The following KCNH7 variants were observed in gnomAD, a reference collection of about 807,000 sequenced individuals.
The protein encoded by KCNH7 is voltage-gated inwardly rectifying potassium channel KCNH7.
Under a neutral mutation model 120.8 loss-of-function variants are expected in KCNH7, and 49 were observed. The observed-to-expected ratio is 0.41, with a 90% confidence interval of 0.32 to 0.51. The LOEUF is 0.51. Ranked by LOEUF, KCNH7 falls within the 20% of genes least tolerant of loss-of-function variation. The pLI is 0.38. For missense variants in KCNH7, 1,097 were observed against 1,446.6 expected (o/e 0.76, Z 3.92); for synonymous variants, 547 against 516.1 (o/e 1.06, Z -0.81).
chr2:162,585,635 C>T (rs932634412), intron 2 of KCNH7, among the ~76,000 whole-genome samples: 35 of 151,614 alleles, frequency 2.3e-4, no homozygotes, highest in Non-Finnish European at 3.5e-4. Context: ...ATGATAGTTT[C>T]TATCTAGTAT....
chr2:162,564,424 T>C (rs1361304400), intron 2 of KCNH7, among the ~76,000 whole-genome samples: 1 of 152,182 alleles, frequency 6.6e-6, no homozygotes, highest in Non-Finnish European at 1.5e-5. Context: ...CAATGAATCT[T>C]CTTACCTCTG....
chr2:162,602,210 A>C (rs1288056079), intron 2 of KCNH7, among the ~76,000 whole-genome samples: 1 of 152,084 alleles, frequency 6.6e-6, no homozygotes, highest in Non-Finnish European at 1.5e-5. Context: ...AGAAATTTGC[A>C]ATAGGTGTCT....
chr2:162,602,406 A>C (rs1202309360), intron 2 of KCNH7, among the ~76,000 whole-genome samples: 4 of 152,110 alleles, frequency 2.6e-5, no homozygotes, highest in African/African-American at 4.8e-5. Flanking sequence ...GCTAAATATT[A>C]AGTTCTCTCC....
At chr2:162,716,350 G>C (rs889948653) in intron 2 of KCNH7, among the ~76,000 whole-genome samples, 8 of 151,964 alleles carry the variant, frequency 5.3e-5, no homozygotes, top group African/African-American at 1.9e-4. Flanking sequence ...ATAAAAATTT[G>C]TTCTCAAAAA....
At chr2:162,584,826 C>T (rs1298435418) in intron 2 of KCNH7, among the ~76,000 whole-genome samples, 1 of 145,028 alleles carries the variant, frequency 6.9e-6, no homozygotes. Context: ...TAAGTTTTGT[C>T]CTAATTCATT....
chr2:162,699,561 A>T (rs935064380), intron 2 of KCNH7, among the ~76,000 whole-genome samples: 1 of 152,196 alleles, frequency 6.6e-6, no homozygotes. Context: ...CATGTGCAGA[A>T]TGTGCAGTAA....
chr2:162,722,517 T>G (rs1011301468), intron 2 of KCNH7, among the ~76,000 whole-genome samples: 1 of 152,096 alleles, frequency 6.6e-6, no homozygotes, highest in Non-Finnish European at 1.5e-5. Flanking sequence ...ATTTTTCTCT[T>G]GGAGTTTTCA....
chr2:162,447,431 G>A (rs1688617687), intron 6 of KCNH7, among the ~76,000 whole-genome samples: 1 of 152,020 alleles, frequency 6.6e-6, no homozygotes, highest in African/African-American at 2.4e-5. Flanking sequence ...CTTAATATAT[G>A]GGTTTTAAAA....
At chr2:162,823,428 GTAAAATAAAGAAAC>G (rs1685181430) in intron 2 of KCNH7, among the ~76,000 whole-genome samples, 1 of 152,170 alleles carries the variant, frequency 6.6e-6, no homozygotes, top group African/African-American at 2.4e-5. Flanking sequence ...GTTCATGAAT[GTAAAATAAAGAAAC>G]TAAAATCAAC....
In KCNH7 at chr2:162,721,439, T is replaced by C. The variant is rs1012327490; in HGVS notation, c.307+115098A>G. Among the ~76,000 whole-genome samples the C allele has an allele frequency of 2.6e-5, 4 of 152,104 alleles. No individual in the cohort carries two copies. In the East Asian group the frequency reaches 7.7e-4, roughly 29 times the overall value. On this transcript the variant is annotated intron_variant, in intron 2 of 15. Transcript: ENST00000332142. ...CCCCAATATCTACATAAGTGAAAGATACTAAAAGATGCAGACACTAAGATT... is the reference window on the plus strand; with the variant it reads ...CCCCAATATCTACATAAGTGAAAGACACTAAAAGATGCAGACACTAAGATT...
rs576124738 is a variant in KCNH7, at chr2:162,600,634, C to T, written c.308-63554G>A. Among the ~76,000 whole-genome samples the T allele has an allele frequency of 4.6e-5, 7 of 152,194 alleles. No homozygotes were observed. The South Asian group carries it at 1.0e-3, about 23-fold the overall frequency. ...GCTCTGTATTAAACAGATCTACATA[C>T]ATGTTTCAGTTCAGAAACTTGGAAT... On this transcript the variant is annotated intron_variant, in intron 2 of 15. Coordinates refer to ENST00000332142, the MANE Select transcript of KCNH7 (RefSeq NM_033272.4).
At chr2:162,697,014 T>C (rs1298729695) in intron 2 of KCNH7, among the ~76,000 whole-genome samples, 1 of 152,180 alleles carries the variant, frequency 6.6e-6, no homozygotes, top group Non-Finnish European at 1.5e-5. Flanking sequence ...AATATTTCTG[T>C]ATAAACTGAT....
At chr2:162,727,234 G>T (rs1042324272) in intron 2 of KCNH7, among the ~76,000 whole-genome samples, 4 of 152,090 alleles carry the variant, frequency 2.6e-5, no homozygotes, top group African/African-American at 9.7e-5. Context: ...CAAGAGTGAT[G>T]TTACTGATAA....
intron 9 of KCNH7, among the ~76,000 whole-genome samples, chr2:162,401,343 G>A (rs1391699027): frequency 6.6e-6 from 1 of 151,810 alleles, no homozygotes; most frequent in Non-Finnish European, 1.5e-5. Flanking sequence ...TAATTTTTAT[G>A]TTGACATTCT....
chr2:162,604,593 C>T (rs1694669506), intron 2 of KCNH7, among the ~76,000 whole-genome samples: 1 of 151,984 alleles, frequency 6.6e-6, no homozygotes, highest in African/African-American at 2.4e-5. Flanking sequence ...TTTGTTTTCC[C>T]CTCTAAATCT....
At chr2:162,591,098 C>A (rs1213095602) in intron 2 of KCNH7, among the ~76,000 whole-genome samples, 2 of 152,044 alleles carry the variant, frequency 1.3e-5, no homozygotes, top group African/African-American at 4.8e-5. Context: ...GGCTGTCTCC[C>A]TCTCCACCTG....
chr2:162,836,050 C>G (rs1203473932), intron 2 of KCNH7, among the ~76,000 whole-genome samples: 1 of 152,036 alleles, frequency 6.6e-6, no homozygotes, highest in Admixed American at 6.6e-5. Context: ...TAAGAAGGAG[C>G]AAAAGAAACA....
At chr2:162,442,024 T>TTTTTTTTTTTG (rs1688436560) in intron 7 of KCNH7, among the ~76,000 whole-genome samples, 1 of 122,970 alleles carries the variant, frequency 8.1e-6, no homozygotes, top group Non-Finnish European at 1.7e-5. Flanking sequence ...TTTTTTTTTT[T>TTTTTTTTTTTG]TTTTTTTTTT....
chr2:162,696,289 A>G (rs1307864622), intron 2 of KCNH7, among the ~76,000 whole-genome samples: 1 of 152,188 alleles, frequency 6.6e-6, no homozygotes, highest in African/African-American at 2.4e-5. Context: ...AAAATATTTT[A>G]TGAATGTTTT....
Sources: allele counts gnomAD v4.1 joint callset (sites outside exome capture counted in the v4.1 genomes callset), GRCh38; gene constraint gnomAD v4.1.1; transcripts MANE v1.5; gene names NCBI Gene and HGNC (gene_info 2026-07-23, HGNC 2026-07-21).